CTNNA2: variants seen among roughly 807,000 people sequenced by gnomAD.
CTNNA2 encodes the protein catenin alpha 2.
Under a neutral mutation model 101.0 loss-of-function variants are expected in CTNNA2, and 42 were observed. The ratio of observed to expected loss-of-function variants is 0.42; its 90% CI spans 0.32 to 0.54. The LOEUF (loss-of-function observed/expected upper bound fraction) is 0.54. Ranked by LOEUF, CTNNA2 falls within the 20% of genes least tolerant of loss-of-function variation. The pLI is 0.14. For synonymous variants in CTNNA2, 450 were observed against 456.4 expected (o/e 0.99, Z 0.18); for missense variants, 871 against 1,223.1 (o/e 0.71, Z 4.29).
chr2:79,275,560 C>G (rs537175999), intron 2 of CTNNA2, among the ~76,000 whole-genome samples: 15 of 151,734 alleles, frequency 9.9e-5, no homozygotes, highest in Admixed American at 3.3e-4. Flanking sequence ...AAAAAAGGAT[C>G]TTTTTTTCAG....
rs370610184 is a variant in CTNNA2, at chr2:79,454,757, G to T, written c.-134-50297G>T. Among the ~76,000 whole-genome samples, 68 of 152,222 alleles carry T rather than the reference G, an allele frequency of 4.5e-4. No individual in the cohort carries two copies. The Middle Eastern group carries it at 0.017, about 38-fold the overall frequency. On this transcript the variant is annotated intron_variant, in intron 4 of 21. Coordinates refer to the CTNNA2 transcript ENST00000466387. ...AGAGAAACCTAATCATAATCAGGTT[G>T]CCATTTTATTAAATAAGTAGAAACA...
chr2:79,694,722 G>A (rs751497769), intron 2 of CTNNA2, among the ~76,000 whole-genome samples: 3 of 151,852 alleles, frequency 2.0e-5, no homozygotes, highest in Non-Finnish European at 4.4e-5. Context: ...GTGTCAGTTA[G>A]TTACTGTTCT....
intron 7 of CTNNA2, among the ~76,000 whole-genome samples, chr2:80,173,204 A>C (rs1391131555): frequency 6.6e-6 from 1 of 152,176 alleles, no homozygotes; most frequent in East Asian, 1.9e-4. Flanking sequence ...TGGATTCTGA[A>C]CCTACCCTAG....
intron 3 of CTNNA2, chr2:79,320,075 G>T (rs530730513): frequency 6.6e-6 from 1 of 152,170 alleles, no homozygotes; most frequent in Admixed American, 6.5e-5. Context: ...AGAAAGAGTA[G>T]CTTACTGTGA....
At chr2:79,574,353 T>A (rs1379195160) in intron 1 of CTNNA2, 1 of 152,176 alleles carries the variant, frequency 6.6e-6, no homozygotes, top group East Asian at 1.9e-4. Context: ...AGTTTTTCAG[T>A]CCTCACCCCC....
At chr2:79,415,311 G>A (rs1288621232) in intron 4 of CTNNA2, among the ~76,000 whole-genome samples, 1 of 152,142 alleles carries the variant, frequency 6.6e-6, no homozygotes, top group Non-Finnish European at 1.5e-5. Context: ...TGCCATGTTT[G>A]TAAGATTCCT....
At chr2:79,883,293 AATTACAGG>A (rs1683589226) in intron 6 of CTNNA2, among the ~76,000 whole-genome samples, 1 of 152,212 alleles carries the variant, frequency 6.6e-6, no homozygotes, top group Non-Finnish European at 1.5e-5. Context: ...ATTTGTCTAA[AATTACAGG>A]ATTGATTTCT....
intron 7 of CTNNA2, among the ~76,000 whole-genome samples, chr2:80,333,813 G>A (rs1359032294): frequency 2.0e-5 from 3 of 152,296 alleles, no homozygotes; most frequent in South Asian, 2.1e-4. Flanking sequence ...TACTAGAGAC[G>A]GGTTTCGCCA....
intron 1 of CTNNA2, among the ~76,000 whole-genome samples, chr2:79,527,276 C>T (rs1420894909): frequency 6.6e-6 from 1 of 151,886 alleles, no homozygotes; most frequent in Non-Finnish European, 1.5e-5. Flanking sequence ...TCAGCATCAT[C>T]AAGTGAATGC....
At chr2:80,333,485 G>A (rs1036233591) in intron 7 of CTNNA2, among the ~76,000 whole-genome samples, 2 of 152,170 alleles carry the variant, frequency 1.3e-5, no homozygotes, top group Non-Finnish European at 2.9e-5. Flanking sequence ...AAAATACTTG[G>A]TAGAGTGACA....
chr2:79,704,182 A>T (rs1191423918), intron 2 of CTNNA2, among the ~76,000 whole-genome samples: 1 of 152,184 alleles, frequency 6.6e-6, no homozygotes, highest in African/African-American at 2.4e-5. Context: ...TGCAAAATAA[A>T]TTTGGGGATG....
intron 4 of CTNNA2, among the ~76,000 whole-genome samples, chr2:79,504,559 C>A (rs571290576): frequency 2.6e-5 from 4 of 152,140 alleles, no homozygotes; most frequent in African/African-American, 9.6e-5. Context: ...CAAAGTGCTG[C>A]GATTACATCC....
intron 9 of CTNNA2, among the ~76,000 whole-genome samples, chr2:80,485,520 A>G (rs185086963): frequency 1.5e-4 from 23 of 152,328 alleles, no homozygotes; most frequent in Non-Finnish European, 2.6e-4. Context: ...AATGAATGAA[A>G]AGGTCAGACA....
intron 3 of CTNNA2, among the ~76,000 whole-genome samples, chr2:79,806,272 G>A (rs933340799): frequency 6.6e-6 from 1 of 152,012 alleles, no homozygotes; most frequent in African/African-American, 2.4e-5. Flanking sequence ...GCTTCTAAGA[G>A]TACGTGAAGG....
At chr2:80,279,978 C>G (rs1674236838) in intron 7 of CTNNA2, among the ~76,000 whole-genome samples, 1 of 151,926 alleles carries the variant, frequency 6.6e-6, no homozygotes, top group Non-Finnish European at 1.5e-5. Flanking sequence ...TCAGTTTTCT[C>G]TCCAGTTCAG....
At chr2:80,516,372 C>T (rs1292254432) in intron 9 of CTNNA2, among the ~76,000 whole-genome samples, 1 of 152,096 alleles carries the variant, frequency 6.6e-6, no homozygotes, top group Admixed American at 6.5e-5. Flanking sequence ...CGGTCCTTAC[C>T]GTTTTGCCTC....
intron 9 of CTNNA2, among the ~76,000 whole-genome samples, chr2:80,468,129 A>G (rs1347977144): frequency 6.6e-6 from 1 of 152,060 alleles, no homozygotes. Context: ...ATTCTTTTGG[A>G]TATTCTCTGT....
intron 9 of CTNNA2, among the ~76,000 whole-genome samples, chr2:80,420,248 G>A (rs1680413334): frequency 6.6e-6 from 1 of 152,106 alleles, no homozygotes; most frequent in Non-Finnish European, 1.5e-5. Context: ...CAACTAGGCT[G>A]CCTAAATTTA....
intron 11 of CTNNA2, among the ~76,000 whole-genome samples, chr2:80,553,984 C>T (rs1027429028): frequency 3.3e-5 from 5 of 151,950 alleles, no homozygotes; most frequent in African/African-American, 7.3e-5. Flanking sequence ...AAAATTTAAA[C>T]GTTTCATTAT....
Sources: gnomAD v4.1 joint callset for allele counts (sites outside exome capture counted in the v4.1 genomes callset) on GRCh38, gnomAD v4.1.1 for gene constraint, MANE v1.5 for transcripts, NCBI Gene and HGNC (gene_info 2026-07-23, HGNC 2026-07-21) for gene names.